The following CLEC16A variants were observed in gnomAD, a reference collection of about 807,000 sequenced individuals.
The protein encoded by CLEC16A is C-type lectin domain containing 16A.
Under a neutral mutation model 109.5 loss-of-function variants are expected in CLEC16A, and 51 were observed. That is an observed-to-expected ratio of 0.47 (90% CI 0.37 to 0.59). The LOEUF is 0.59. Among genes scored for constraint, CLEC16A ranks in the 20% least tolerant of loss-of-function variants. The pLI, the probability that CLEC16A is intolerant of heterozygous loss-of-function variation, is 0.00. For missense variants in CLEC16A, 1,339 were observed against 1,394.0 expected, an observed-to-expected ratio of 0.96 and a Z score of 0.63; for synonymous variants, 673 against 564.2, an observed-to-expected ratio of 1.19 and a Z score of -2.73.
chr16:11,101,517 G>T (rs958587232), intron 19 of CLEC16A, among the ~76,000 whole-genome samples: 3 of 152,250 alleles, frequency 2.0e-5, no homozygotes, highest in Admixed American at 6.5e-5. Context: ...CTCCCTACTG[G>T]GCTGTGAGGT....
intron 19 of CLEC16A, 149 bp from the exon 20 acceptor site, chr16:11,120,466 A>T: frequency 1.5e-6 from 1 of 668,736 alleles, no homozygotes; most frequent in Non-Finnish European, 2.3e-6. Flanking sequence ...ACTGTCAGAG[A>T]AGGGACTCAG....
intron 19 of CLEC16A, among the ~76,000 whole-genome samples, chr16:11,093,742 G>A (rs542474726): frequency 6.6e-6 from 1 of 152,210 alleles, no homozygotes; most frequent in Non-Finnish European, 1.5e-5. Flanking sequence ...AGGATATGAG[G>A]GTGTGGCAGT....
At chr16:11,048,150 G>T (rs2152871575) in intron 17 of CLEC16A, 1 of 152,532 alleles carries the variant, frequency 6.6e-6, no homozygotes, top group South Asian at 2.1e-4. Context: ...CGGCCGGTGA[G>T]TGGCAGAGCC....
chr16:11,123,034 G>A (rs1352884866), intron 20 of CLEC16A, among the ~76,000 whole-genome samples: 1 of 150,512 alleles, frequency 6.6e-6, no homozygotes, highest in Non-Finnish European at 1.5e-5. Context: ...CTCCTGAGTA[G>A]CTGGAACTAC....
At chr16:11,133,872 A>G (rs902662295) in intron 22 of CLEC16A, among the ~76,000 whole-genome samples, 1 of 152,148 alleles carries the variant, frequency 6.6e-6, no homozygotes, top group Non-Finnish European at 1.5e-5. Flanking sequence ...CCCAGCCTTC[A>G]GCTCACTGCT....
At chr16:10,990,577 A>G (rs1460220516) in intron 10 of CLEC16A, among the ~76,000 whole-genome samples, 7 of 152,232 alleles carry the variant, frequency 4.6e-5, no homozygotes, top group African/African-American at 1.7e-4. Context: ...CATCCTGGAG[A>G]AGCCAATTGG....
intron 12 of CLEC16A, among the ~76,000 whole-genome samples, chr16:11,022,073 A>C (rs2046133545): frequency 6.6e-6 from 1 of 152,126 alleles, no homozygotes; most frequent in Non-Finnish European, 1.5e-5. Flanking sequence ...TTGTTTCTTA[A>C]CTTTGGGCAT....
chr16:11,018,807 A>G (rs1054919431), intron 11 of CLEC16A, among the ~76,000 whole-genome samples: 128 of 151,312 alleles, frequency 8.5e-4, no homozygotes, highest in Non-Finnish European at 1.6e-3. Flanking sequence ...TGAGAAGCCC[A>G]GCACAGCTGG....
chr16:11,146,585 G>A (rs538850471), intron 22 of CLEC16A, among the ~76,000 whole-genome samples: 1 of 151,372 alleles, frequency 6.6e-6, no homozygotes, highest in African/African-American at 2.4e-5. Flanking sequence ...ATGGATGGAT[G>A]TAGAGGGATT....
At chr16:11,052,659 G>T (rs1315837442) in intron 18 of CLEC16A, among the ~76,000 whole-genome samples, 1 of 152,270 alleles carries the variant, frequency 6.6e-6, no homozygotes, top group South Asian at 2.1e-4. Flanking sequence ...TCTGTTTGTG[G>T]GTGGCAGTGT....
At chr16:11,043,900 A>G (rs980427201) in intron 15 of CLEC16A, 128 bp from the exon 16 acceptor site, 3 of 594,006 alleles carry the variant, frequency 5.1e-6, no homozygotes, top group African/African-American at 1.9e-5. Flanking sequence ...AAAAAACACC[A>G]TTTTATACAT....
chr16:11,062,841 A>G (rs1489173614), intron 19 of CLEC16A, among the ~76,000 whole-genome samples: 3 of 148,764 alleles, frequency 2.0e-5, no homozygotes, highest in Non-Finnish European at 4.4e-5. Flanking sequence ...GCAAAGAATC[A>G]TAAACCAGTC....
intron 18 of CLEC16A, among the ~76,000 whole-genome samples, chr16:11,058,642 G>A (rs76271482): frequency 1.3e-3 from 193 of 152,102 alleles, no homozygotes; most frequent in Middle Eastern, 3.4e-3. Flanking sequence ...GATGATGATT[G>A]TTATTATCCA....
intron 10 of CLEC16A, among the ~76,000 whole-genome samples, chr16:10,988,354 G>T (rs1475596706): frequency 2.0e-5 from 3 of 152,104 alleles, no homozygotes; most frequent in African/African-American, 7.2e-5. Flanking sequence ...TGAGGGATGT[G>T]GTGGTGCACT....
At chr16:11,113,736 C>T (rs959517699) in intron 19 of CLEC16A, among the ~76,000 whole-genome samples, 4 of 152,194 alleles carry the variant, frequency 2.6e-5, no homozygotes, top group Non-Finnish European at 2.9e-5. Context: ...GTTCTTGAGA[C>T]TTGGCTCTCT....
intron 22 of CLEC16A, among the ~76,000 whole-genome samples, chr16:11,157,564 A>G (rs762541405): frequency 1.3e-5 from 2 of 152,202 alleles, no homozygotes; most frequent in Non-Finnish European, 2.9e-5. Flanking sequence ...TGAGGGAGGA[A>G]ACTTCTGGGG....
intron 11 of CLEC16A, among the ~76,000 whole-genome samples, chr16:11,017,563 T>G (rs564273811): frequency 6.6e-6 from 1 of 152,216 alleles, no homozygotes; most frequent in East Asian, 1.9e-4. Context: ...TTCCACAGAG[T>G]ATGGTATGGA....
intron 13 of CLEC16A, among the ~76,000 whole-genome samples, chr16:11,028,151 G>A (rs1370129823): frequency 6.6e-6 from 1 of 152,230 alleles, no homozygotes; most frequent in Non-Finnish European, 1.5e-5. Context: ...AGTGAGCTGA[G>A]ATCACGCCAT....
chr16:11,075,771 G>A (rs2049335339), intron 19 of CLEC16A, among the ~76,000 whole-genome samples: 1 of 152,002 alleles, frequency 6.6e-6, no homozygotes, highest in Non-Finnish European at 1.5e-5. Flanking sequence ...AGGATGAGGT[G>A]CTTGGGAGGA....
Sources: gnomAD v4.1 joint callset for allele counts (sites outside exome capture counted in the v4.1 genomes callset) on GRCh38, gnomAD v4.1.1 for gene constraint, MANE v1.5 for transcripts, NCBI Gene and HGNC (gene_info 2026-07-23, HGNC 2026-07-21) for gene names.